Variants in SLCO2A1 observed in about 807,000 individuals in gnomAD.
The protein encoded by SLCO2A1 is solute carrier organic anion transporter family member 2A1.
SLCO2A1 carries 60 observed loss-of-function variants against 71.7 expected under a neutral mutation model. The ratio of observed to expected loss-of-function variants is 0.84; its 90% confidence interval spans 0.68 to 1.04. The LOEUF (loss-of-function observed/expected upper bound fraction) is 1.04. SLCO2A1 is among the 50% of genes least tolerant of loss of function. The probability of loss-of-function intolerance (pLI) is 0.00; values close to 1 mark genes in which losing one functional copy is unlikely to be tolerated. For synonymous variants in SLCO2A1, 308 were observed against 326.7 expected (o/e 0.94, Z 0.62); for missense variants, 745 against 813.4 (o/e 0.92, Z 1.02).
intron 1 of SLCO2A1, among the ~76,000 whole-genome samples, chr3:134,005,396 T>C (rs984399435): frequency 6.6e-6 from 1 of 152,204 alleles, no homozygotes; most frequent in African/African-American, 2.4e-5. Flanking sequence ...TTAAAGAGCA[T>C]GTAACTAGAT....
At chr3:133,934,994 G>A (rs1483578016) in intron 13 of SLCO2A1, among the ~76,000 whole-genome samples, 164 bp from the exon 14 acceptor site, 1 of 152,162 alleles carries the variant, frequency 6.6e-6, no homozygotes, top group African/African-American at 2.4e-5. Context: ...ACCCAAAAGG[G>A]AACAAAGCTG....
Position 133,947,320 on chromosome 3 carries a change from G to T in SLCO2A1, c.1231C>A (p.Leu411Ile), listed in dbSNP as rs748205497. 1.2e-6 allele frequency: 2 copies of T among 1,614,022 alleles called. No homozygotes were observed. Among genetic ancestry groups the T allele is most frequent in the African/African-American group, 2.7e-5 (2 of 74,886 alleles). Residue 411 changes from leucine to isoleucine, a missense_variant, in exon 9 of 14, where the codon CTT (leucine) becomes ATT (isoleucine). Transcript: ENST00000310926. ...CCCATGAAGAACAAAGGAACACAAA[G>T]GATCATGGAGATGGTGATGATGGTG... ...ATTIITISMILCVPLFFMGCS... is the reference protein window; with the variant it reads ...ATTIITISMIICVPLFFMGCS...
chr3:134,007,872 T>C (rs1935250612), intron 1 of SLCO2A1, among the ~76,000 whole-genome samples: 1 of 152,254 alleles, frequency 6.6e-6, no homozygotes, highest in Non-Finnish European at 1.5e-5. Flanking sequence ...GTTCAATTCA[T>C]TCTTCATTTC....
At chr3:133,945,061 G>C in intron 10 of SLCO2A1, 34 bp downstream of exon 10, 11 of 1,585,726 alleles carry the variant, frequency 6.9e-6, no homozygotes, top group Non-Finnish European at 9.4e-6. Flanking sequence ...ATCCTGTGGG[G>C]CTCCTCTTGC....
At chr3:134,023,356 T>G (rs1935630863) in intron 1 of SLCO2A1, among the ~76,000 whole-genome samples, 1 of 152,198 alleles carries the variant, frequency 6.6e-6, no homozygotes, top group South Asian at 2.1e-4. Context: ...CTCCTCAAAC[T>G]ATTGCATTTA....
At chr3:134,019,058 T>C (rs115927658) in intron 1 of SLCO2A1, among the ~76,000 whole-genome samples, 2,422 of 152,244 alleles carry the variant, frequency 0.016, 69 homozygotes, top group African/African-American at 0.052. Flanking sequence ...CTGGGATGTA[T>C]GTGTCAACAG....
At chr3:133,952,374 G>A (rs1933766535) in intron 5 of SLCO2A1, among the ~76,000 whole-genome samples, 1 of 152,218 alleles carries the variant, frequency 6.6e-6, no homozygotes, top group East Asian at 1.9e-4. Flanking sequence ...TCTGTGACGT[G>A]ACTTGTTTGC....
chr3:133,993,961 T>C (rs1302943206), intron 1 of SLCO2A1, among the ~76,000 whole-genome samples: 1 of 152,146 alleles, frequency 6.6e-6, no homozygotes, highest in Non-Finnish European at 1.5e-5. Flanking sequence ...AAAGTGGGGC[T>C]TGGGGACATG....
intron 2 of SLCO2A1, among the ~76,000 whole-genome samples, chr3:133,978,786 C>T (rs930808847): frequency 5.9e-5 from 9 of 152,166 alleles, no homozygotes; most frequent in African/African-American, 1.4e-4. Flanking sequence ...CTGCTGCCTC[C>T]GCTCACTCTC....
chr3:134,009,493 T>C (rs1174047234), intron 1 of SLCO2A1, among the ~76,000 whole-genome samples: 3 of 152,256 alleles, frequency 2.0e-5, no homozygotes, highest in Non-Finnish European at 4.4e-5. Context: ...TCACTGTAAG[T>C]TTCTGAGAAG....
intron 12 of SLCO2A1, among the ~76,000 whole-genome samples, chr3:133,936,792 G>C (rs1933280128): frequency 6.6e-6 from 1 of 152,254 alleles, no homozygotes; most frequent in African/African-American, 2.4e-5. Context: ...GAAACTCTAA[G>C]AAGAAGCCTC....
chr3:133,979,525 C>G lies in SLCO2A1; in HGVS notation c.190G>C (p.Gly64Arg), dbSNP rs1239807914. ...SSLTTIEKRF[G>R]LSSSSSGLIS... ...AGACCCGATGAAGAACTGGAGAGCC[C>G]AAAGCGCTTCTCAATGGTGGTGAGG... is the stretch of plus-strand genomic sequence containing the variant. Residue 64 changes from glycine to arginine, a missense_variant, in exon 2 of 14, where the codon GGG becomes CGG. Physicochemically the swap from Gly to Arg is moderately radical, Grantham distance 125. Coordinates refer to ENST00000310926, the MANE Select transcript of SLCO2A1 (RefSeq NM_005630.3). 3 of 1,614,122 alleles carry G rather than the reference C, an allele frequency of 1.9e-6. No individual in the cohort carries two copies. The highest frequency in any genetic ancestry group is 2.5e-6 in the Non-Finnish European group (3 of 1,180,006).
chr3:133,947,766 G>A, intron 8 of SLCO2A1, among the ~76,000 whole-genome samples: 1 of 152,144 alleles, frequency 6.6e-6, no homozygotes, highest in Non-Finnish European at 1.5e-5. Flanking sequence ...GGACCGCATG[G>A]GGTTAGCAAC....
chr3:133,991,831 T>C (rs963022973), intron 1 of SLCO2A1, among the ~76,000 whole-genome samples: 2 of 152,222 alleles, frequency 1.3e-5, no homozygotes, highest in Non-Finnish European at 2.9e-5. Context: ...TGCCAGCCTT[T>C]ACTGCCCACA....
chr3:134,029,496 GCACACA>G (rs796767479), intron 1 of SLCO2A1, among the ~76,000 whole-genome samples: 123 of 115,892 alleles, frequency 1.1e-3, no homozygotes, highest in African/African-American at 4.8e-3. Context: ...ACACTCGCAC[GCACACA>G]CACACGCTCA....
chr3:133,958,901 C>T (rs77525038), intron 3 of SLCO2A1, among the ~76,000 whole-genome samples: 6,140 of 152,196 alleles, frequency 0.04, 404 homozygotes, highest in African/African-American at 0.14. Flanking sequence ...GAGCCATTCC[C>T]CTCGGTGTGA....
At chr3:133,944,639 G>A (rs1299945661) in intron 10 of SLCO2A1, among the ~76,000 whole-genome samples, 1 of 152,210 alleles carries the variant, frequency 6.6e-6, no homozygotes, top group African/African-American at 2.4e-5. Flanking sequence ...ACACCTGGGA[G>A]CTGAGGGGTT....
At chr3:134,026,478 G>T (rs985862612) in intron 1 of SLCO2A1, among the ~76,000 whole-genome samples, 3 of 152,010 alleles carry the variant, frequency 2.0e-5, no homozygotes, top group Admixed American at 2.0e-4. Context: ...GGGCTTCCCT[G>T]TCTATGCTTC....
chr3:133,944,722 G>A (rs1268513029), intron 10 of SLCO2A1, among the ~76,000 whole-genome samples: 1 of 152,232 alleles, frequency 6.6e-6, no homozygotes, highest in Non-Finnish European at 1.5e-5. Flanking sequence ...TAATGCCCTC[G>A]ATTTATCTGG....
Sources: gnomAD v4.1 joint callset for allele counts (sites outside exome capture counted in the v4.1 genomes callset) on GRCh38, gnomAD v4.1.1 for gene constraint, MANE v1.5 for transcripts, NCBI Gene and HGNC (gene_info 2026-07-23, HGNC 2026-07-21) for gene names.